The following NEBL variants were observed in gnomAD, a reference collection of about 807,000 sequenced individuals.
NEBL encodes the protein nebulette.
A neutral mutation model predicts 140.2 loss-of-function variants in NEBL; 122 were observed. The ratio of observed to expected loss-of-function variants is 0.87; its 90% CI spans 0.75 to 1.01. The LOEUF (loss-of-function observed/expected upper bound fraction) is 1.01, where lower values mean the gene tolerates loss of function less well. Ranked by LOEUF, NEBL falls within the 50% of genes least tolerant of loss-of-function variation. The pLI is 0.00. For missense variants in NEBL, 1,365 were observed against 1,231.3 expected (o/e 1.11, Z -1.62); for synonymous variants, 436 against 398.9 (o/e 1.09, Z -1.11).
intron 4 of NEBL, among the ~76,000 whole-genome samples, chr10:20,936,767 C>T (rs1235966794): frequency 1.3e-5 from 2 of 152,178 alleles, no homozygotes; most frequent in African/African-American, 2.4e-5. Flanking sequence ...CTAATTATTG[C>T]CTTTTCTGAC....
At chr10:20,959,565 A>G (rs1176180459) in intron 4 of NEBL, among the ~76,000 whole-genome samples, 2 of 152,186 alleles carry the variant, frequency 1.3e-5, no homozygotes, top group Admixed American at 1.3e-4. Context: ...AGGTAAGGGA[A>G]AAAGTTCATG....
At chr10:21,078,084 T>G (rs371287073) in intron 2 of NEBL, among the ~76,000 whole-genome samples, 1 of 152,144 alleles carries the variant, frequency 6.6e-6, no homozygotes, top group African/African-American at 2.4e-5. Flanking sequence ...AGGAGGAGAT[T>G]GGAAGATGGA....
At chr10:21,147,397 T>C (rs886686074) in intron 2 of NEBL, among the ~76,000 whole-genome samples, 2 of 112,248 alleles carry the variant, frequency 1.8e-5, no homozygotes, top group Non-Finnish European at 3.2e-5. Flanking sequence ...TCTCCTCCGG[T>C]TTTTTTTTTT....
At chr10:21,158,159 G>A (rs778797916) in intron 2 of NEBL, among the ~76,000 whole-genome samples, 9 of 152,150 alleles carry the variant, frequency 5.9e-5, no homozygotes, top group Non-Finnish European at 1.2e-4. Flanking sequence ...TTATTTTAAA[G>A]TCTTTACAAA....
chr10:21,260,071 G>A (rs977551202), intron 1 of NEBL, among the ~76,000 whole-genome samples: 21 of 152,198 alleles, frequency 1.4e-4, no homozygotes, highest in African/African-American at 4.3e-4. Flanking sequence ...CCTTGCATCT[G>A]GGTTTTCCTG....
chr10:20,814,105 G>T, intron 22 of NEBL, 62 bp from the exon 23 acceptor site: 4 of 1,050,268 alleles, frequency 3.8e-6, no homozygotes, highest in Non-Finnish European at 4.5e-6. Context: ...ACATTTTTAA[G>T]CTTTACAAAT....
intron 2 of NEBL, among the ~76,000 whole-genome samples, chr10:20,892,573 A>G (rs1030258018): frequency 4.6e-5 from 7 of 152,160 alleles, no homozygotes; most frequent in Admixed American, 1.3e-4. Flanking sequence ...TACCGAATAC[A>G]CAACCCAACA....
chr10:21,221,398 A>G lies in NEBL; in HGVS notation n.348+26523T>C, dbSNP rs77559870. Among the ~76,000 whole-genome samples the G allele has an allele frequency of 1.8e-3, 269 of 152,342 alleles. 6 individuals carry two copies. In the East Asian group the frequency reaches 0.03, roughly 17 times the overall value. ...AGAGCTAAGCCCCTGCAGTCACAGC[A>G]TGCTAAACTATCATTCAATGAGACA... On this transcript the variant is annotated intron_variant and non_coding_transcript_variant, in intron 3 of 8. Transcript: ENST00000675702.
intron 2 of NEBL, among the ~76,000 whole-genome samples, chr10:21,068,220 A>G (rs1055762584): frequency 2.0e-5 from 3 of 152,232 alleles, no homozygotes; most frequent in South Asian, 4.1e-4. Flanking sequence ...AAGTTAAAAA[A>G]GCATTTGTCA....
intron 3 of NEBL, among the ~76,000 whole-genome samples, chr10:21,188,241 G>A (rs1373344005): frequency 6.6e-6 from 1 of 152,174 alleles, no homozygotes; most frequent in African/African-American, 2.4e-5. Flanking sequence ...GTGGACGGGA[G>A]TAGCAACTTT....
At chr10:20,922,642 G>A (rs375470013) in intron 4 of NEBL, among the ~76,000 whole-genome samples, 3 of 152,206 alleles carry the variant, frequency 2.0e-5, no homozygotes, top group Non-Finnish European at 4.4e-5. Flanking sequence ...ACGTGCTAAC[G>A]CAATGTAGGA....
chr10:21,079,580 T>A (rs1421162535), intron 2 of NEBL, among the ~76,000 whole-genome samples: 1 of 152,128 alleles, frequency 6.6e-6, no homozygotes, highest in Non-Finnish European at 1.5e-5. Flanking sequence ...GCTCCCAGTA[T>A]AAACATAGGG....
intron 1 of NEBL, among the ~76,000 whole-genome samples, chr10:21,257,916 AACAC>A (rs10660140): frequency 6.6e-6 from 1 of 150,542 alleles, no homozygotes; most frequent in Non-Finnish European, 1.5e-5. Flanking sequence ...AAAACATCAA[AACAC>A]ACACACACAC....
chr10:20,785,916 T>C lies in NEBL; in HGVS notation c.2876A>G (p.Tyr959Cys). 1 of 1,613,824 alleles carries C rather than the reference T, an allele frequency of 6.2e-7. No individual in the cohort carries two copies. Among genetic ancestry groups the C allele is most frequent in the East Asian group, 2.2e-5 (1 of 44,854 alleles). The change falls in exon 28 of 28, where the codon TAC (tyrosine) becomes TGC (cysteine). Residue 959 changes from tyrosine (Y) to cysteine (C), a missense_variant. Around this residue, in one of 2 missense-constraint regions of NEBL, gnomAD observed 1,323 missense variants for 1,154.8 expected, o/e 1.15. Transcript: ENST00000377122. ...SMQHSPNLRT[Y>C]RAMYDYSAQD... ...GGCACTGTAATCGTACATGGCTCGG[T>C]AGGTCCTCTGAGAAAGGAAGAAGGG...
intron 3 of NEBL, among the ~76,000 whole-genome samples, chr10:20,965,865 C>T (rs988755167): frequency 2.0e-5 from 3 of 152,078 alleles, no homozygotes; most frequent in Non-Finnish European, 2.9e-5. Flanking sequence ...CTGGCGTCCC[C>T]GAAAGACCCC....
intron 2 of NEBL, among the ~76,000 whole-genome samples, chr10:21,169,093 T>TATAA (rs1840962522): frequency 1.7e-5 from 2 of 119,806 alleles, no homozygotes; most frequent in African/African-American, 6.0e-5. Flanking sequence ...TATATATATA[T>TATAA]ATATATATAT....
At chr10:21,179,576 G>A (rs1021508402), upstream of NEBL, among the ~76,000 whole-genome samples, 8 of 152,022 alleles carry the variant, frequency 5.3e-5, no homozygotes, top group East Asian at 3.9e-4. Flanking sequence ...CTCCTCACTC[G>A]GTGCTCTGCG....
chr10:21,243,956 GAGGACGGAAGGGA>G, intron 3 of NEBL, among the ~76,000 whole-genome samples: 1 of 151,030 alleles, frequency 6.6e-6, no homozygotes, highest in African/African-American at 2.4e-5. Flanking sequence ...GGAAGGGGAA[GAGGACGGAAGGGA>G]GGGAAGGGAG....
chr10:21,193,733 T>G (rs930515442), intron 3 of NEBL, among the ~76,000 whole-genome samples: 1 of 152,230 alleles, frequency 6.6e-6, no homozygotes, highest in Non-Finnish European at 1.5e-5. Flanking sequence ...TTCCTTGCAT[T>G]GTGCCCTTGA....
Sources: allele counts gnomAD v4.1 joint callset (sites outside exome capture counted in the v4.1 genomes callset), GRCh38; gene constraint gnomAD v4.1.1; regional missense constraint gnomAD v4.1.1; transcripts MANE v1.5; gene names NCBI Gene and HGNC (gene_info 2026-07-23, HGNC 2026-07-21).